WFS1: variants seen among roughly 807,000 people sequenced by gnomAD.
WFS1 encodes wolframin ER transmembrane glycoprotein.
A neutral mutation model predicts 68.5 loss-of-function variants in WFS1; 90 were observed. The observed-to-expected ratio is 1.31, with a 90% CI of 1.11 to 1.56. WFS1 has a LOEUF of 1.56. Among genes scored for constraint, WFS1 ranks in the 40% most tolerant of loss-of-function variants. The probability of loss-of-function intolerance (pLI) is 0.00; values close to 1 mark genes in which losing one functional copy is unlikely to be tolerated. For synonymous variants in WFS1, 860 were observed against 540.7 expected (o/e 1.59, Z -8.19); for missense variants, 1,767 against 1,232.6 (o/e 1.43, Z -6.49).
At chr4:6,278,082 C>G (rs1395278316) in intron 2 of WFS1, among the ~76,000 whole-genome samples, 1 of 152,258 alleles carries the variant, frequency 6.6e-6, no homozygotes, top group Non-Finnish European at 1.5e-5. Context: ...GCGGGCGAAG[C>G]CCTTGGTGCT....
At chr4:6,274,890 T>C (rs146048391) in intron 1 of WFS1, among the ~76,000 whole-genome samples, 1 of 152,194 alleles carries the variant, frequency 6.6e-6, no homozygotes, top group African/African-American at 2.4e-5. Flanking sequence ...AGCATTAGAA[T>C]TGGGCAGGTC....
At chr4:6,278,130 G>A (rs926509040) in intron 2 of WFS1, among the ~76,000 whole-genome samples, 6 of 152,198 alleles carry the variant, frequency 3.9e-5, no homozygotes, top group Non-Finnish European at 5.9e-5. Flanking sequence ...TGTGAGGGAC[G>A]GGCGTCCTTC....
intron 1 of WFS1, among the ~76,000 whole-genome samples, chr4:6,271,772 G>A (rs545100737): frequency 6.6e-6 from 1 of 152,316 alleles, no homozygotes; most frequent in East Asian, 1.9e-4. Context: ...GGGCCTGGCT[G>A]CACGCAGCCC....
Position 6,301,252 on chromosome 4 carries a change from A to C in WFS1, c.1457A>C (p.Gln486Pro). Residue 486 changes from glutamine to proline, a missense_variant, in exon 8 of 8, where the codon CAG becomes CCG. Transcript: ENST00000226760. The stretch of plus-strand genomic sequence containing the variant: ...TGGCCCTACCTGAAGGTCCTTGGCC[A>C]GACCTTCATCACCGTGCCTGTCGGC... ...LNWPYLKVLG[Q>P]TFITVPVGHL... is the part of the protein sequence containing the mutation. 6.2e-7 allele frequency: 1 copy of C among 1,611,480 alleles called. No homozygotes were observed. The highest frequency in any genetic ancestry group is 1.6e-4 in the Middle Eastern group (1 of 6,062).
intron 6 of WFS1, 48 bp downstream of exon 6, chr4:6,292,045 C>G (rs747273169): frequency 1.3e-6 from 2 of 1,526,188 alleles, no homozygotes; most frequent in South Asian, 1.2e-5. Flanking sequence ...CAGCCTGCAC[C>G]TGCAGGGCGA....
At position 6,302,532 on chromosome 4, in the gene WFS1, C is replaced by T; in HGVS notation, c.*64C>T. 2.5e-6 allele frequency: 4 copies of T among 1,601,182 alleles called. No individual in the cohort carries two copies. Among genetic ancestry groups the T allele is most frequent in the Non-Finnish European group, 2.5e-6 (3 of 1,177,220 alleles). ...ATGAGGCCTTTCCCCAGTGTGGCCC[C>T]AGCCCGACAGGCATGCACCAGTGCC... On this transcript the variant is annotated 3_prime_UTR_variant, in exon 8 of 8. Coordinates refer to ENST00000226760, the MANE Select transcript of WFS1 (RefSeq NM_006005.3).
In WFS1 at chr4:6,302,567, C is replaced by A. The variant is rs1189797942; in HGVS notation, c.*99C>A. On this transcript the variant is annotated 3_prime_UTR_variant, in exon 8 of 8. Coordinates refer to ENST00000226760, the MANE Select transcript of WFS1 (RefSeq NM_006005.3). ...GGCATGCACCAGTGCCGCCTGTGCC[C>A]ACGTGTGCAGACTGTGGCTGCAGAG... The A allele has an allele frequency of 2.9e-5, 45 of 1,544,698 alleles. No individual in the cohort carries two copies. The East Asian group carries it at 1.0e-3, about 35-fold the overall frequency.
chr4:6,269,935 C>G lies in WFS1; in HGVS notation c.-85C>G, dbSNP rs71524390. The G allele has an allele frequency of 2.0e-5, 3 of 152,212 alleles. No homozygotes were observed. The highest frequency in any genetic ancestry group is 4.4e-5 in the Non-Finnish European group (3 of 68,042). The allele number at this position is 152,212 out of a possible 1,614,324, so 9.4% of individuals were successfully genotyped here. ...GCAGATCTCCCGTTTGCGCCGCGTT[C>G]AGCTGCTCCCGAACAACTTTTCTGC... On this transcript the variant is annotated 5_prime_UTR_variant, in exon 1 of 8. Coordinates refer to ENST00000226760, the MANE Select transcript of WFS1 (RefSeq NM_006005.3).
intron 4 of WFS1, among the ~76,000 whole-genome samples, chr4:6,289,436 G>A (rs1456718805): frequency 2.0e-5 from 3 of 152,234 alleles, no homozygotes; most frequent in African/African-American, 7.2e-5. Context: ...GGGTTCAGCT[G>A]AGAGGCAGTT....
At chr4:6,290,313 C>CT (rs1444720698) in intron 4 of WFS1, among the ~76,000 whole-genome samples, 3 of 152,234 alleles carry the variant, frequency 2.0e-5, no homozygotes, top group East Asian at 3.9e-4. Context: ...TTTTGAAAAA[C>CT]TAACAGTGGC....
chr4:6,299,736 A>C (rs1423093797), intron 7 of WFS1, among the ~76,000 whole-genome samples: 1 of 29,926 alleles, frequency 3.3e-5, no homozygotes, highest in Non-Finnish European at 6.3e-5. Context: ...GAATGCGGGT[A>C]GGTTGCGTGT....
chr4:6,302,627 A>C lies in WFS1; in HGVS notation c.*159A>C. 2 of 1,023,814 alleles carry C rather than the reference A, an allele frequency of 2.0e-6. No homozygotes were observed. Among genetic ancestry groups the C allele is most frequent in the Non-Finnish European group, 2.8e-6 (2 of 708,712 alleles). The allele number at this position is 1,023,814 out of a possible 1,614,324, so 63.4% of individuals were successfully genotyped here. ...CCATGTGTAGATTGCGTGGACCCCG[A>C]CAAAGGGAAGGCTGCTGTGTAGCTC... is the stretch of plus-strand genomic sequence containing the variant. On this transcript the variant is annotated 3_prime_UTR_variant, in exon 8 of 8. Coordinates refer to ENST00000226760, the MANE Select transcript of WFS1 (RefSeq NM_006005.3).
At position 6,298,281 on chromosome 4, in the gene WFS1, G is replaced by A. The variant is rs528488507; in HGVS notation, c.862-2376G>A. On this transcript the variant is annotated intron_variant, in intron 7 of 7. Transcript: ENST00000226760. ...AGCTGGCCTGGCGTCATACTACAGGGGCTTGCCCCAAACAAACCCTGGAGT... is the reference window on the plus strand; with the variant it reads ...AGCTGGCCTGGCGTCATACTACAGGAGCTTGCCCCAAACAAACCCTGGAGT... 1.4e-3 allele frequency among the ~76,000 whole-genome samples: 220 copies of A among 152,240 alleles called. 1 individual carries two copies. The highest frequency in any genetic ancestry group is 2.3e-3 in the East Asian group (12 of 5,168).
At position 6,301,918 on chromosome 4, in the gene WFS1, G is replaced by A. The variant is rs369062548; in HGVS notation, c.2123G>A (p.Arg708His). The stretch of plus-strand genomic sequence containing the variant: ...TGGACCGGCCGCTTCAAGTACGTCC[G>A]CGTGACTGACATCGACAACAGCGCC... Reference protein sequence around the residue: ...VTWTGRFKYVRVTDIDNSAES... With the variant: ...VTWTGRFKYVHVTDIDNSAES... The change falls in exon 8 of 8, where the codon CGC becomes CAC. Residue 708 changes from arginine (R) to histidine (H), a missense_variant. Physicochemically the swap from Arg to His is conservative, Grantham distance 29. Coordinates refer to ENST00000226760, the MANE Select transcript of WFS1 (RefSeq NM_006005.3). 19 of 1,612,804 alleles carry A rather than the reference G, an allele frequency of 1.2e-5. No individual in the cohort carries two copies. Among genetic ancestry groups the A allele is most frequent in the East Asian group, 4.5e-5 (2 of 44,880 alleles).
chr4:6,299,958 C>CGTGT (rs141189050), intron 7 of WFS1, among the ~76,000 whole-genome samples: 1 of 148,958 alleles, frequency 6.7e-6, no homozygotes, highest in Non-Finnish European at 1.5e-5. Context: ...GGGTGGGTTG[C>CGTGT]GTGTGTGTGT....
intron 2 of WFS1, among the ~76,000 whole-genome samples, chr4:6,281,930 G>A (rs10008312): frequency 0.072 from 10,969 of 152,240 alleles, 467 homozygotes; most frequent in African/African-American, 0.099. Context: ...CCTACTTTGC[G>A]CTCCAAGCCT....
Position 6,302,376 on chromosome 4 carries a change from G to A in WFS1, c.2581G>A (p.Val861Met), listed in dbSNP as rs752775825. Residue 861 changes from valine to methionine, a missense_variant, in exon 8 of 8, where the codon GTG becomes ATG. Physicochemically the swap from Val to Met is conservative, Grantham distance 21. Coordinates refer to ENST00000226760, the MANE Select transcript of WFS1 (RefSeq NM_006005.3). Reference sequence around the variant, plus strand: ...CCAGCTCTCACCCACCAGGCGGCACGTGAAGATCGAGCACGACTGGCGCAG... The same window carrying A: ...CCAGCTCTCACCCACCAGGCGGCACATGAAGATCGAGCACGACTGGCGCAG... ...MAQLSPTRRH[V>M]KIEHDWRSTV... The A allele has an allele frequency of 2.9e-5, 46 of 1,612,964 alleles. No individual in the cohort carries two copies. The highest frequency in any genetic ancestry group is 3.6e-5 in the Non-Finnish European group (43 of 1,179,990).
rs1482967509 is a variant in WFS1, at chr4:6,295,081, TA to T, written c.755del (p.Lys252ArgfsTer35). 6.2e-7 allele frequency: 1 copy of T among 1,613,426 alleles called. No homozygotes were observed. The highest frequency in any genetic ancestry group is 8.5e-7 in the Non-Finnish European group (1 of 1,180,022). On this transcript the variant is annotated frameshift_variant, in exon 7 of 8. Coordinates refer to ENST00000226760, the MANE Select transcript of WFS1 (RefSeq NM_006005.3). LOFTEE classifies it high-confidence loss of function. ...CGCTGGATGACTTTGTGGAGATCAC[TA>T]AGAAGTACGCCAAGGGCGTCATCCC... is the stretch of plus-strand genomic sequence containing the variant. ...IALDDFVEIT[K>X]KYAKGVIPSS...
At chr4:6,299,703 G>A (rs1297472439) in intron 7 of WFS1, among the ~76,000 whole-genome samples, 5 of 139,002 alleles carry the variant, frequency 3.6e-5, no homozygotes, top group African/African-American at 1.4e-4. Flanking sequence ...GTGTGTGAAT[G>A]TGTGTGTAGG....
Sources: allele counts gnomAD v4.1 joint callset (sites outside exome capture counted in the v4.1 genomes callset), GRCh38; gene constraint gnomAD v4.1.1; transcripts MANE v1.5; gene names NCBI Gene and HGNC (gene_info 2026-07-23, HGNC 2026-07-21).